NHSL2: variants seen among roughly 807,000 people sequenced by gnomAD.
NHSL2 encodes the protein NHS-like protein 2.
A neutral mutation model predicts 53.4 loss-of-function variants in NHSL2; 27 were observed. That is an observed-to-expected ratio of 0.51 (90% CI 0.37 to 0.70). NHSL2 has a LOEUF of 0.70. Among genes scored for constraint, NHSL2 ranks in the 30% least tolerant of loss-of-function variants. The pLI is 0.00. For synonymous variants in NHSL2, 408 were observed against 404.1 expected (o/e 1.01, Z -0.12); for missense variants, 892 against 980.1 (o/e 0.91, Z 1.20).
In NHSL2 at chrX:72,077,328, C is replaced by T. The variant is rs764769566; in HGVS notation, c.281-54751C>T. 1.9e-3 allele frequency among the ~76,000 whole-genome samples: 209 copies of T among 110,776 alleles called. 1 individual carries two copies. The highest frequency in any genetic ancestry group is 6.5e-3 in the African/African-American group (198 of 30,428). ...GACTATCCCAACCCTGCACCATAACCGTCTTCCTGGCTGGCTTGGGGGATG... is the reference window on the plus strand; with the variant it reads ...GACTATCCCAACCCTGCACCATAACTGTCTTCCTGGCTGGCTTGGGGGATG... On this transcript the variant is annotated intron_variant, in intron 1 of 7. Transcript: ENST00000633930.
intron 1 of NHSL2, among the ~76,000 whole-genome samples, chrX:71,939,139 A>C (rs1347080558): frequency 8.9e-6 from 1 of 111,734 alleles, no homozygotes; most frequent in African/African-American, 3.3e-5. Context: ...CTGAAGGATA[A>C]TTAGGTGGTA....
chrX:72,012,242 AT>A (rs1457223438), intron 1 of NHSL2, among the ~76,000 whole-genome samples: 6 of 111,221 alleles, frequency 5.4e-5, no homozygotes, highest in Non-Finnish European at 1.1e-4. Flanking sequence ...AAATTTTATA[AT>A]TTTACATTTA....
intron 1 of NHSL2, chrX:72,044,576 C>T: frequency 9.9e-7 from 1 of 1,010,848 alleles, no homozygotes; most frequent in Non-Finnish European, 1.4e-6. Flanking sequence ...AACAGTCATG[C>T]CAAAAAGGGC....
intron 1 of NHSL2, among the ~76,000 whole-genome samples, chrX:72,084,535 G>A (rs1602354708): frequency 8.9e-6 from 1 of 112,469 alleles, no homozygotes; most frequent in East Asian, 2.8e-4. Flanking sequence ...GAGTCAGGGT[G>A]AGGGGACCAG....
chrX:71,976,642 G>A (rs1272366397), intron 1 of NHSL2, among the ~76,000 whole-genome samples: 2 of 111,796 alleles, frequency 1.8e-5, no homozygotes, highest in Non-Finnish European at 3.8e-5. Context: ...TAACCTGTGA[G>A]GCAGCTGCTA....
At chrX:72,129,930 A>G in intron 1 of NHSL2, 3 of 1,211,146 alleles carry the variant, frequency 2.5e-6, no homozygotes, top group Non-Finnish European at 3.4e-6. Context: ...GTTGTCCTAA[A>G]CGACCTGTGC....
intron 1 of NHSL2, among the ~76,000 whole-genome samples, chrX:72,052,284 C>T: frequency 8.9e-6 from 1 of 112,373 alleles, no homozygotes; most frequent in Non-Finnish European, 1.9e-5. Context: ...CTCCGAGGCA[C>T]ACCTGTCTGA....
At chrX:72,068,650 G>A (rs1429998498) in intron 1 of NHSL2, among the ~76,000 whole-genome samples, 4 of 73,057 alleles carry the variant, frequency 5.5e-5, no homozygotes, top group East Asian at 8.0e-4. Flanking sequence ...AAGTGTGTCC[G>A]TGTGTGTGTG....
chrX:72,128,177 A>G (rs1429458337), intron 1 of NHSL2: 1 of 112,084 alleles, frequency 8.9e-6, no homozygotes, highest in Non-Finnish European at 1.9e-5. Context: ...CCACTGATGA[A>G]TAGAGACCTC....
chrX:72,091,468 T>A (rs1021207843), intron 1 of NHSL2, among the ~76,000 whole-genome samples: 11 of 106,326 alleles, frequency 1.0e-4, no homozygotes, highest in East Asian at 9.6e-4. Context: ...AAAAAAAAAA[T>A]TTTGACGGTT....
rs1280966789 is a variant in NHSL2 at position 72,146,542 on chromosome X, G to A, written c.*2968G>A. The A allele has an allele frequency of 8.9e-6, 1 of 111,898 alleles. No homozygotes were observed. The highest frequency in any genetic ancestry group is 2.8e-4 in the East Asian group (1 of 3,588). 9.2% of individuals were successfully genotyped at this position (111,898 alleles called of 1,213,427 possible). Reference sequence around the variant, plus strand: ...AGAGAAGAGATTTGAGTGAAATGAAGTTGGCCCTAGGAGCTCAGCTTCCAT... The same window carrying A: ...AGAGAAGAGATTTGAGTGAAATGAAATTGGCCCTAGGAGCTCAGCTTCCAT... On this transcript the variant is annotated 3_prime_UTR_variant, in exon 8 of 8. Coordinates refer to ENST00000633930, the MANE Select transcript of NHSL2 (RefSeq NM_001013627.3).
chrX:72,075,977 A>C (rs774472251), intron 1 of NHSL2, among the ~76,000 whole-genome samples: 80 of 109,554 alleles, frequency 7.3e-4, no homozygotes, highest in Non-Finnish European at 7.6e-4. Flanking sequence ...CTTGTCACCC[A>C]GGCTAGAGTG....
intron 1 of NHSL2, among the ~76,000 whole-genome samples, chrX:71,929,767 C>G (rs770286820): frequency 9.2e-6 from 1 of 108,893 alleles, no homozygotes; most frequent in Non-Finnish European, 1.9e-5. Context: ...TTCTTTTTGG[C>G]GGTGGGGGAC....
intron 1 of NHSL2, among the ~76,000 whole-genome samples, chrX:72,076,417 A>T (rs763619196): frequency 1.8e-5 from 2 of 111,581 alleles, no homozygotes; most frequent in Non-Finnish European, 3.8e-5. Context: ...TTATGGATCC[A>T]CAAAAGTAAG....
At chrX:71,993,604 A>G (rs1602299859) in intron 1 of NHSL2, among the ~76,000 whole-genome samples, 1 of 111,712 alleles carries the variant, frequency 9.0e-6, no homozygotes, top group East Asian at 2.8e-4. Context: ...CCAGCTGGCC[A>G]GGCCTGGCAT....
In NHSL2 at chrX:71,964,043, G is replaced by GTATA. The variant is rs55941930; in HGVS notation, c.280+52686_280+52689dup. ...TATATATGTGTATATATATATATAT[G>GTATA]TATATATATATATGTGTATATATAT... On this transcript the variant is annotated intron_variant, in intron 1 of 7. Coordinates refer to ENST00000633930, the MANE Select transcript of NHSL2 (RefSeq NM_001013627.3). Among the ~76,000 whole-genome samples, 94 of 53,062 alleles carry GTATA rather than the reference G, an allele frequency of 1.8e-3. 3 individuals are homozygous for GTATA. Among genetic ancestry groups the GTATA allele is most frequent in the African/African-American group, 4.3e-3 (59 of 13,708 alleles). 46.1% of individuals were successfully genotyped at this position (53,062 alleles called of 115,157 possible).
chrX:72,075,983 G>C (rs1443355865), intron 1 of NHSL2, among the ~76,000 whole-genome samples: 1 of 109,850 alleles, frequency 9.1e-6, no homozygotes, highest in Non-Finnish European at 1.9e-5. Flanking sequence ...ACCCAGGCTA[G>C]AGTGCAATGG....
chrX:72,096,986 C>T (rs1319047324), intron 1 of NHSL2, among the ~76,000 whole-genome samples: 1 of 112,100 alleles, frequency 8.9e-6, no homozygotes, highest in Non-Finnish European at 1.9e-5. Context: ...CTTTTTCCTC[C>T]TCCCCAGCTG....
intron 1 of NHSL2, among the ~76,000 whole-genome samples, chrX:72,052,836 C>T (rs1286703078): frequency 1.8e-5 from 2 of 111,818 alleles, no homozygotes; most frequent in Non-Finnish European, 3.8e-5. Flanking sequence ...TCTGCTCCCC[C>T]CAGCCCCTCT....
Sources: allele counts gnomAD v4.1 joint callset (sites outside exome capture counted in the v4.1 genomes callset), GRCh38; gene constraint gnomAD v4.1.1; transcripts MANE v1.5; gene names NCBI Gene and HGNC (gene_info 2026-07-23, HGNC 2026-07-21).